CEP83: variants seen among roughly 807,000 people sequenced by gnomAD.
CEP83 encodes centrosomal protein of 83 kDa.
A neutral mutation model predicts 101.9 loss-of-function variants in CEP83; 70 were observed. The observed-to-expected ratio is 0.69, with a 90% CI of 0.57 to 0.84. The LOEUF (loss-of-function observed/expected upper bound fraction) is 0.84. Among genes scored for constraint, CEP83 ranks in the 40% least tolerant of loss-of-function variants. The pLI, the probability that CEP83 is intolerant of heterozygous loss-of-function variation, is 0.00. For missense variants in CEP83, 715 were observed against 787.2 expected (o/e 0.91, Z 1.10); for synonymous variants, 264 against 267.9 (o/e 0.99, Z 0.14).
chr12:94,303,793 T>C, downstream of CEP83: 1 of 1,531,188 alleles, frequency 6.5e-7, no homozygotes, highest in Non-Finnish European at 8.9e-7. Context: ...GCCAAGGATA[T>C]CCCAACCTAC....
At chr12:94,320,603 C>G (rs2058706821) in intron 14 of CEP83, among the ~76,000 whole-genome samples, 4 of 152,040 alleles carry the variant, frequency 2.6e-5, no homozygotes, top group Admixed American at 1.3e-4. Flanking sequence ...ATCTAAAACT[C>G]CCTCAGTATT....
chr12:94,300,421 T>C, the CEP83 span, among the ~76,000 whole-genome samples: 1 of 152,132 alleles, frequency 6.6e-6, no homozygotes, highest in East Asian at 1.9e-4. Context: ...GCTTGGCCCA[T>C]ATGAAAAATA....
the CEP83 span, among the ~76,000 whole-genome samples, chr12:94,282,627 C>A: frequency 5.8e-4 from 89 of 152,324 alleles, no homozygotes; most frequent in African/African-American, 2.1e-3. Flanking sequence ...GATTTTCTAT[C>A]TCCTGAACTC....
intron 1 of CEP83, among the ~76,000 whole-genome samples, chr12:94,442,793 C>A (rs1199330102): frequency 6.6e-6 from 1 of 152,152 alleles, no homozygotes; most frequent in South Asian, 2.1e-4. Context: ...TTACCACTAT[C>A]CTCCTCTCAT....
intron 11 of CEP83, among the ~76,000 whole-genome samples, chr12:94,363,586 A>G (rs1329146576): frequency 6.6e-6 from 1 of 152,184 alleles, no homozygotes; most frequent in Non-Finnish European, 1.5e-5. Flanking sequence ...GAAGAAATCC[A>G]GGTGTCCATA....
intron 1 of CEP83, among the ~76,000 whole-genome samples, chr12:94,436,918 G>C (rs1299096260): frequency 6.6e-6 from 1 of 151,866 alleles, no homozygotes; most frequent in Non-Finnish European, 1.5e-5. Flanking sequence ...AAGAAACTTG[G>C]GACGTTAAAA....
chr12:94,415,768 T>A (rs772657889), intron 2 of CEP83, among the ~76,000 whole-genome samples: 112 of 152,220 alleles, frequency 7.4e-4, no homozygotes, highest in Non-Finnish European at 1.0e-3. Flanking sequence ...TCACCACTAT[T>A]CTTGGTAACT....
the CEP83 span, among the ~76,000 whole-genome samples, chr12:94,295,136 C>T: frequency 5.4e-4 from 82 of 152,344 alleles, no homozygotes; most frequent in Middle Eastern, 3.4e-3. Context: ...CCAGTCAAGA[C>T]AATCAGCTCT....
intron 6 of CEP83, among the ~76,000 whole-genome samples, chr12:94,382,301 G>C (rs1315876660): frequency 4.6e-5 from 7 of 151,608 alleles, no homozygotes; most frequent in African/African-American, 1.7e-4. Context: ...CAAAGAACCA[G>C]CTCTTTGTTT....
At position 94,439,058 on chromosome 12, in the gene CEP83, T is replaced by C. The variant is rs139072292; in HGVS notation, c.-154-3731A>G. The stretch of plus-strand genomic sequence containing the variant: ...AGGAAAGTTCATAGCAATCACTGTC[T>C]ACAACAAAAATTCTGAAAAAGCACA... On this transcript the variant is annotated intron_variant, in intron 1 of 16. Transcript: ENST00000397809. 7.9e-4 allele frequency among the ~76,000 whole-genome samples: 120 copies of C among 152,236 alleles called. 1 individual carries two copies. In the East Asian group the frequency reaches 0.022, roughly 28 times the overall value.
Position 94,313,624 on chromosome 12 carries a change from G to T in CEP83, c.1708-607C>A, listed in dbSNP as rs1970218265. 5.3e-5 allele frequency among the ~76,000 whole-genome samples: 8 copies of T among 151,476 alleles called. No homozygotes were observed. In the South Asian group the frequency reaches 1.7e-3, roughly 32 times the overall value. Reference sequence around the variant, plus strand: ...GAGGCCGAGGCGGACAGATCACAAGGTCAAGAGATTGAGACCATCCTGACC... The same window carrying T: ...GAGGCCGAGGCGGACAGATCACAAGTTCAAGAGATTGAGACCATCCTGACC... On this transcript the variant is annotated intron_variant, in intron 14 of 16. Transcript: ENST00000397809.
chr12:94,441,125 A>C (rs1252768060), intron 1 of CEP83, among the ~76,000 whole-genome samples: 1 of 152,212 alleles, frequency 6.6e-6, no homozygotes, highest in Non-Finnish European at 1.5e-5. Context: ...GCTTAGGCAA[A>C]GAGTTCACGA....
intron 2 of CEP83, among the ~76,000 whole-genome samples, chr12:94,427,501 C>T (rs1005649260): frequency 3.3e-5 from 5 of 152,106 alleles, no homozygotes; most frequent in African/African-American, 1.2e-4. Flanking sequence ...TTGACTAGTC[C>T]CAGCTTTACA....
chr12:94,270,763 CTTTT>C, the CEP83 span, among the ~76,000 whole-genome samples: 1 of 147,594 alleles, frequency 6.8e-6, no homozygotes, highest in Admixed American at 6.7e-5. Flanking sequence ...ATCTCCATTA[CTTTT>C]TTTTTTTTTT....
At chr12:94,358,089 A>C (rs989514527) in intron 11 of CEP83, among the ~76,000 whole-genome samples, 7 of 152,236 alleles carry the variant, frequency 4.6e-5, no homozygotes, top group African/African-American at 7.2e-5. Flanking sequence ...CCACGTGGCC[A>C]ATTCAACCTG....
chr12:94,431,086 C>T (rs974879465), intron 2 of CEP83, among the ~76,000 whole-genome samples: 2 of 151,924 alleles, frequency 1.3e-5, no homozygotes, highest in East Asian at 1.9e-4. Flanking sequence ...ATATATGCAC[C>T]CAACACAAGA....
rs199910071 is a variant in CEP83, at chr12:94,424,994, T to A, written c.-102+10281A>T. 25 of 1,416,834 alleles carry A rather than the reference T, an allele frequency of 1.8e-5. No individual in the cohort carries two copies. The East Asian group carries it at 4.0e-4, about 23-fold the overall frequency. 87.8% of individuals were successfully genotyped at this position (1,416,834 alleles called of 1,614,324 possible). On this transcript the variant is annotated intron_variant, in intron 2 of 16. Coordinates refer to ENST00000397809, the MANE Select transcript of CEP83 (RefSeq NM_016122.3). ...TTTCTCTTTAATGTTAGGGAACGAG[T>A]GAGAGAGAGAGAGAGAGAGAAAGGG...
At chr12:94,379,626 A>G (rs1245534236) in intron 6 of CEP83, among the ~76,000 whole-genome samples, 2 of 152,156 alleles carry the variant, frequency 1.3e-5, no homozygotes, top group Non-Finnish European at 2.9e-5. Flanking sequence ...TCATTACTCC[A>G]GGGCAGGTGT....
At chr12:94,384,948 C>T (rs2062051466) in intron 6 of CEP83, among the ~76,000 whole-genome samples, 1 of 152,146 alleles carries the variant, frequency 6.6e-6, no homozygotes, top group Admixed American at 6.6e-5. Flanking sequence ...CGTGGTGTGA[C>T]AAGCAATTTT....
Sources: allele counts gnomAD v4.1 joint callset (sites outside exome capture counted in the v4.1 genomes callset), GRCh38; gene constraint gnomAD v4.1.1; transcripts MANE v1.5; gene names NCBI Gene and HGNC (gene_info 2026-07-23, HGNC 2026-07-21).